NRG1: variants seen among roughly 807,000 people sequenced by gnomAD.
NRG1 encodes the protein pro-neuregulin-1, membrane-bound isoform.
In NRG1, 18 loss-of-function variants were observed where a neutral mutation model predicts 63.8. That is an observed-to-expected ratio of 0.28 (90% CI 0.19 to 0.42). The LOEUF is 0.42. Ranked by LOEUF, NRG1 falls within the 10% of genes least tolerant of loss-of-function variation. The pLI, the probability that NRG1 is intolerant of heterozygous loss-of-function variation, is 1.00. For missense variants in NRG1, 762 were observed against 814.7 expected (o/e 0.94, Z 0.79); for synonymous variants, 302 against 301.3 (o/e 1.00, Z -0.02).
intron 1 of NRG1, among the ~76,000 whole-genome samples, chr8:32,461,521 A>G (rs1258174009): frequency 6.6e-6 from 1 of 152,026 alleles, no homozygotes; most frequent in African/African-American, 2.4e-5. Context: ...CAACATGGAG[A>G]AACCCCATCT....
intron 1 of NRG1, chr8:32,029,617 T>C (rs1223575881): frequency 2.0e-5 from 3 of 152,228 alleles, no homozygotes; most frequent in Non-Finnish European, 4.4e-5. Context: ...AAAGGCAAAT[T>C]CCTAATTTAA....
chr8:32,587,910 T>TTTTTG (rs199766055), intron 1 of NRG1, among the ~76,000 whole-genome samples: 29,965 of 135,566 alleles, frequency 0.22, 3,570 homozygotes, highest in Admixed American at 0.35. Flanking sequence ...CATGTGGGTT[T>TTTTTG]TTTTGTTTTG....
At chr8:32,751,671 G>A (rs1213405276) in intron 7 of NRG1, among the ~76,000 whole-genome samples, 2 of 152,178 alleles carry the variant, frequency 1.3e-5, no homozygotes, top group East Asian at 3.9e-4. Flanking sequence ...TCCCACGTCT[G>A]TATTCTATGG....
chr8:32,425,910 G>A (rs561606154), intron 1 of NRG1, among the ~76,000 whole-genome samples: 18 of 152,200 alleles, frequency 1.2e-4, no homozygotes, highest in Admixed American at 3.9e-4. Flanking sequence ...TACAGAATAC[G>A]TCCTTTGCTA....
chr8:32,388,826 G>A (rs1811354395), intron 1 of NRG1, among the ~76,000 whole-genome samples: 1 of 151,982 alleles, frequency 6.6e-6, no homozygotes, highest in Non-Finnish European at 1.5e-5. Flanking sequence ...TTTTTTTTGG[G>A]GGGGAAATAG....
chr8:32,611,987 G>A (rs898364401), intron 3 of NRG1, among the ~76,000 whole-genome samples: 2 of 151,888 alleles, frequency 1.3e-5, no homozygotes, highest in Non-Finnish European at 2.9e-5. Context: ...ACCAGACCCC[G>A]TTTATTAAGA....
intron 1 of NRG1, among the ~76,000 whole-genome samples, chr8:32,424,957 C>G (rs1191704117): frequency 6.6e-6 from 1 of 152,114 alleles, no homozygotes; most frequent in Non-Finnish European, 1.5e-5. Flanking sequence ...GTTTCCTCAT[C>G]TAGAAGATGT....
intron 1 of NRG1, among the ~76,000 whole-genome samples, chr8:32,573,635 CTTTTTATTTTTAT>C (rs1310192799): frequency 2.6e-5 from 4 of 152,020 alleles, no homozygotes; most frequent in Non-Finnish European, 4.4e-5. Flanking sequence ...TATCAAAGGC[CTTTTTATTTTTAT>C]TTTTTATTTT....
chr8:32,641,902 A>G (rs759536649), intron 5 of NRG1, among the ~76,000 whole-genome samples: 16 of 152,232 alleles, frequency 1.1e-4, no homozygotes, highest in Non-Finnish European at 1.9e-4. Context: ...GTACAAGAAC[A>G]TCACACAGCA....
At chr8:31,887,324 C>T (rs1033419510) in intron 1 of NRG1, among the ~76,000 whole-genome samples, 1 of 152,018 alleles carries the variant, frequency 6.6e-6, no homozygotes, top group Admixed American at 6.6e-5. Context: ...TCAATAAATG[C>T]TCACTATTGT....
intron 1 of NRG1, among the ~76,000 whole-genome samples, chr8:32,533,762 A>G (rs955999149): frequency 6.6e-6 from 1 of 152,070 alleles, no homozygotes; most frequent in African/African-American, 2.4e-5. Context: ...AACGATTCCA[A>G]TAACAGAACA....
chr8:32,167,317 C>T (rs1382544964), intron 1 of NRG1, among the ~76,000 whole-genome samples: 1 of 152,100 alleles, frequency 6.6e-6, no homozygotes, highest in African/African-American at 2.4e-5. Flanking sequence ...ATGTAAGAGC[C>T]ATGAGATTAG....
chr8:32,210,342 CA>C (rs1469718666), intron 1 of NRG1, among the ~76,000 whole-genome samples: 1 of 152,164 alleles, frequency 6.6e-6, no homozygotes, highest in East Asian at 1.9e-4. Flanking sequence ...GGCATCATCA[CA>C]TCATATTGCC....
At chr8:32,195,073 AC>A (rs1842836010) in intron 1 of NRG1, among the ~76,000 whole-genome samples, 1 of 152,206 alleles carries the variant, frequency 6.6e-6, no homozygotes. Flanking sequence ...ATTTTCAGGA[AC>A]ACTTCAGACT....
chr8:31,961,669 G>T (rs1402988738), intron 1 of NRG1, among the ~76,000 whole-genome samples: 2 of 152,102 alleles, frequency 1.3e-5, no homozygotes, highest in Admixed American at 6.6e-5. Context: ...TATGAAATCT[G>T]TATGCCTCCC....
intron 5 of NRG1, among the ~76,000 whole-genome samples, chr8:32,663,872 A>G (rs1319869260): frequency 2.0e-5 from 3 of 152,108 alleles, no homozygotes; most frequent in Admixed American, 6.6e-5. Context: ...CTCAAATTTT[A>G]CCTACTATGC....
chr8:32,647,970 C>G, intron 5 of NRG1: 1 of 1,614,186 alleles, frequency 6.2e-7, no homozygotes, highest in Non-Finnish European at 8.5e-7. Context: ...CCTGGCTTGC[C>G]TGGTCAGCCT....
intron 1 of NRG1, among the ~76,000 whole-genome samples, chr8:32,537,152 C>T (rs1246745319): frequency 3.2e-5 from 4 of 125,668 alleles, no homozygotes; most frequent in South Asian, 2.7e-4. Context: ...TCCCAGATCG[C>T]GCCACTGCAT....
At chr8:31,847,801 C>A (rs994787111) in intron 1 of NRG1, among the ~76,000 whole-genome samples, 9 of 152,222 alleles carry the variant, frequency 5.9e-5, no homozygotes, top group African/African-American at 2.2e-4. Flanking sequence ...TAAGCTCATA[C>A]TGTCCTTTCA....
Sources: gnomAD v4.1 joint callset for allele counts (sites outside exome capture counted in the v4.1 genomes callset) on GRCh38, gnomAD v4.1.1 for gene constraint, MANE v1.5 for transcripts, NCBI Gene and HGNC (gene_info 2026-07-23, HGNC 2026-07-21) for gene names.